The following ARSG variants were observed in gnomAD, a reference collection of about 807,000 sequenced individuals.
ARSG encodes arylsulfatase G, also known as ASG.
Under a neutral mutation model 50.5 loss-of-function variants are expected in ARSG, and 37 were observed. The ratio of observed to expected loss-of-function variants is 0.73; its 90% CI spans 0.56 to 0.96. ARSG has a LOEUF of 0.96. Among genes scored for constraint, ARSG ranks in the 50% least tolerant of loss-of-function variants. ARSG has a pLI of 0.00. For synonymous variants in ARSG, 225 were observed against 254.6 expected, an observed-to-expected ratio of 0.88 and a Z score of 1.11; for missense variants, 629 against 675.3, an observed-to-expected ratio of 0.93 and a Z score of 0.76.
intron 11 of ARSG, among the ~76,000 whole-genome samples, chr17:68,402,218 G>GT (rs1568581345): frequency 1.3e-5 from 2 of 151,790 alleles, no homozygotes; most frequent in Non-Finnish European, 1.5e-5. Context: ...TCCTGTACTA[G>GT]TTTTTTTTGT....
chr17:68,348,890 CACA>C (rs1372082913), intron 4 of ARSG, among the ~76,000 whole-genome samples: 1 of 152,224 alleles, frequency 6.6e-6, no homozygotes, highest in East Asian at 1.9e-4. Context: ...CTCCTGCAAA[CACA>C]ACGAGGTCTT....
At chr17:68,332,085 A>T (rs2077800106) in intron 2 of ARSG, among the ~76,000 whole-genome samples, 1 of 152,226 alleles carries the variant, frequency 6.6e-6, no homozygotes. Flanking sequence ...CCTCGTCCTA[A>T]TAAGCCTGGG....
intron 5 of ARSG, among the ~76,000 whole-genome samples, chr17:68,351,934 G>A (rs2078781893): frequency 6.6e-6 from 1 of 152,134 alleles, no homozygotes; most frequent in Admixed American, 6.5e-5. Context: ...GCTCAGCTAG[G>A]GAGAGGCTTG....
At chr17:68,416,156 T>C (rs2082353673) in intron 11 of ARSG, among the ~76,000 whole-genome samples, 1 of 152,218 alleles carries the variant, frequency 6.6e-6, no homozygotes, top group South Asian at 2.1e-4. Context: ...AGAGGTTCCA[T>C]TTTGATGTGT....
intron 9 of ARSG, among the ~76,000 whole-genome samples, chr17:68,386,851 A>G (rs11655151): frequency 0.053 from 8,121 of 152,098 alleles, 514 homozygotes; most frequent in East Asian, 0.29. Context: ...GCCTCATCTC[A>G]TTCATAATGT....
intron 2 of ARSG, among the ~76,000 whole-genome samples, chr17:68,328,065 A>G (rs2145961317): frequency 6.6e-6 from 1 of 152,208 alleles, no homozygotes; most frequent in South Asian, 2.1e-4. Context: ...GGTTCAGTGC[A>G]TGTTGAGTCT....
intron 6 of ARSG, among the ~76,000 whole-genome samples, chr17:68,358,370 TG>T (rs1357077628): frequency 6.6e-6 from 1 of 151,712 alleles, no homozygotes; most frequent in East Asian, 1.9e-4. Context: ...CTGGACAACC[TG>T]GTGAGACCTT....
chr17:68,310,207 G>A (rs1037795171), intron 2 of ARSG, among the ~76,000 whole-genome samples: 4 of 152,196 alleles, frequency 2.6e-5, no homozygotes, highest in South Asian at 2.1e-4. Flanking sequence ...TGATCCGCCC[G>A]TCTCGGCCTC....
chr17:68,413,215 A>G (rs1416792378), intron 11 of ARSG, among the ~76,000 whole-genome samples: 2 of 151,940 alleles, frequency 1.3e-5, no homozygotes, highest in African/African-American at 2.4e-5. Flanking sequence ...TAGAGTTTCC[A>G]GTTTTTCTGC....
intron 6 of ARSG, chr17:68,359,713 T>A (rs1045735244): frequency 6.6e-6 from 1 of 152,296 alleles, no homozygotes; most frequent in Admixed American, 6.5e-5. Flanking sequence ...CAGGGAGGGT[T>A]GAGGCAGCAA....
At chr17:68,289,274 G>C (rs150563882), upstream of ARSG, among the ~76,000 whole-genome samples, 521 of 152,238 alleles carry the variant, frequency 3.4e-3, 2 homozygotes, top group African/African-American at 0.012. Flanking sequence ...CTCCCATGAT[G>C]GGAGTGAGAC....
chr17:68,364,354 TTTG>T (rs969270133), intron 6 of ARSG, among the ~76,000 whole-genome samples: 21 of 152,146 alleles, frequency 1.4e-4, no homozygotes, highest in Admixed American at 3.3e-4. Context: ...TAACCTGTTT[TTTG>T]TTGTTGTTGT....
chr17:68,407,807 A>G (rs1406517961), intron 11 of ARSG, among the ~76,000 whole-genome samples: 1 of 152,088 alleles, frequency 6.6e-6, no homozygotes, highest in Non-Finnish European at 1.5e-5. Context: ...GCAAACAGTG[A>G]GAGTTTGACT....
At chr17:68,296,823 G>T (rs1249048965) in intron 1 of ARSG, among the ~76,000 whole-genome samples, 1 of 152,194 alleles carries the variant, frequency 6.6e-6, no homozygotes, top group Admixed American at 6.5e-5. Context: ...GGACACATGC[G>T]ATTGTTACGT....
intron 4 of ARSG, among the ~76,000 whole-genome samples, chr17:68,348,183 TA>T: frequency 6.6e-6 from 1 of 151,944 alleles, no homozygotes; most frequent in Non-Finnish European, 1.5e-5. Flanking sequence ...ACACATGCTT[TA>T]AAAAAAATGA....
chr17:68,287,663 A>G (rs1291914038), upstream of ARSG, among the ~76,000 whole-genome samples: 1 of 152,102 alleles, frequency 6.6e-6, no homozygotes, highest in Non-Finnish European at 1.5e-5. Context: ...GAAAGATGAC[A>G]CCCTGAACCC....
chr17:68,280,385 A>C (rs539177513), intron 1 of ARSG, among the ~76,000 whole-genome samples: 37 of 152,154 alleles, frequency 2.4e-4, no homozygotes, highest in Non-Finnish European at 4.4e-4. Context: ...ACAGACCTCA[A>C]AATATATGAC....
intron 1 of ARSG, among the ~76,000 whole-genome samples, chr17:68,263,883 A>G (rs2075111954): frequency 6.6e-6 from 1 of 152,018 alleles, no homozygotes; most frequent in Non-Finnish European, 1.5e-5. Context: ...TTTGAGATGG[A>G]ATCTTGCTCT....
chr17:68,366,200 A>G (rs113423511), intron 6 of ARSG, among the ~76,000 whole-genome samples: 13 of 152,152 alleles, frequency 8.5e-5, no homozygotes, highest in Non-Finnish European at 1.9e-4. Context: ...CGGCCTCCCA[A>G]AGTGCTGGGA....
Sources: gnomAD v4.1 joint callset for allele counts (sites outside exome capture counted in the v4.1 genomes callset) on GRCh38, gnomAD v4.1.1 for gene constraint, MANE v1.5 for transcripts, NCBI Gene and HGNC (gene_info 2026-07-23, HGNC 2026-07-21) for gene names.